DPH6: variants seen among roughly 807,000 people sequenced by gnomAD.
DPH6 encodes the protein diphthine--ammonia ligase.
In DPH6, 33 loss-of-function variants were observed where a neutral mutation model predicts 38.2. The observed-to-expected ratio is 0.86, with a 90% CI of 0.65 to 1.15. The LOEUF (loss-of-function observed/expected upper bound fraction) is 1.15. Ranked by LOEUF, DPH6 falls within the 50% of genes most tolerant of loss-of-function variation. DPH6 has a pLI of 0.00. For missense variants in DPH6, 325 were observed against 320.0 expected, an observed-to-expected ratio of 1.02 and a Z score of -0.12; for synonymous variants, 108 against 103.0, an observed-to-expected ratio of 1.05 and a Z score of -0.30.
intron 2 of DPH6, among the ~76,000 whole-genome samples, chr15:35,540,232 A>G (rs2055232955): frequency 6.6e-6 from 1 of 152,118 alleles, no homozygotes; most frequent in Admixed American, 6.5e-5. Context: ...GTGAGATCAA[A>G]TAAAACCAAA....
At position 35,283,216 on chromosome 15, in the gene DPH6, CTCTTCTT is replaced by C. The variant is rs991579675; in HGVS notation, n.201-62641_201-62635del. On this transcript the variant is annotated intron_variant and non_coding_transcript_variant, in intron 3 of 3. Coordinates refer to the DPH6 transcript ENST00000560386. Reference sequence around the variant, plus strand: ...CTCTTCTTCTTCTTTCTTCCTCTTCCTCTTCTTTCTTCTTTCTTCCTCTTCCTCCTCC... The same window carrying C: ...CTCTTCTTCTTCTTTCTTCCTCTTCCTCTTCTTTCTTCCTCTTCCTCCTCC... 1.2e-4 allele frequency among the ~76,000 whole-genome samples: 17 copies of C among 146,792 alleles called. No homozygotes were observed. In the South Asian group the frequency reaches 1.5e-3, roughly 13 times the overall value.
Position 35,469,432 on chromosome 15 carries a change from AC to A in DPH6, c.313-14613del, listed in dbSNP as rs543769369. 3.3e-4 allele frequency among the ~76,000 whole-genome samples: 50 copies of A among 152,316 alleles called. No individual in the cohort carries two copies. In the East Asian group the frequency reaches 9.4e-3, roughly 29 times the overall value. ...GCAAGTTAAAAGTTAAAAGCAAGGA[AC>A]CCTAAAGAAATCTAAGTAAGAAATG... On this transcript the variant is annotated intron_variant, in intron 3 of 8. Coordinates refer to ENST00000256538, the MANE Select transcript of DPH6 (RefSeq NM_080650.4).
chr15:35,400,818 T>C lies in DPH6; in HGVS notation c.567+10017A>G, dbSNP rs1595532165. 18 of 764,366 alleles carry C rather than the reference T, an allele frequency of 2.4e-5. No individual in the cohort carries two copies. In the East Asian group the frequency reaches 4.4e-4, roughly 19 times the overall value. The allele number at this position is 764,366 out of a possible 1,614,324, so 47.3% of individuals were successfully genotyped here. On this transcript the variant is annotated intron_variant, in intron 6 of 8. Coordinates refer to ENST00000256538, the MANE Select transcript of DPH6 (RefSeq NM_080650.4). ...AGCAATGGGGAATGCTCACGGACTG[T>C]GTGATAATGAGAGATCCAAACACCA...
At chr15:35,236,512 G>A (rs1051189855) in intron 3 of DPH6, among the ~76,000 whole-genome samples, 3 of 152,082 alleles carry the variant, frequency 2.0e-5, no homozygotes, top group African/African-American at 4.8e-5. Context: ...GTTGGCGGGC[G>A]CCTGTAGTCC....
chr15:35,344,703 G>T (rs948453764), intron 3 of DPH6, among the ~76,000 whole-genome samples: 13 of 151,890 alleles, frequency 8.6e-5, no homozygotes, highest in African/African-American at 3.1e-4. Context: ...GTAGGTAACT[G>T]GACTCCATAC....
At chr15:35,394,161 T>A (rs1238808266) in intron 6 of DPH6, among the ~76,000 whole-genome samples, 1 of 152,184 alleles carries the variant, frequency 6.6e-6, no homozygotes, top group East Asian at 1.9e-4. Context: ...GCATTCCCTA[T>A]AACAGCACCA....
At chr15:35,460,344 C>G (rs1471397743) in intron 3 of DPH6, among the ~76,000 whole-genome samples, 1 of 152,014 alleles carries the variant, frequency 6.6e-6, no homozygotes, top group African/African-American at 2.4e-5. Context: ...TAACCAAAAG[C>G]TAATCAAGTA....
the DPH6 span, among the ~76,000 whole-genome samples, chr15:35,211,856 T>G: frequency 6.6e-6 from 1 of 152,084 alleles, no homozygotes; most frequent in African/African-American, 2.4e-5. Flanking sequence ...GCATCCAAAA[T>G]AGGTAAGCAT....
chr15:35,365,691 T>C, intron 3 of DPH6: 1 of 780,768 alleles, frequency 1.3e-6, no homozygotes, highest in African/African-American at 1.9e-5. Flanking sequence ...TTGCCCAGTT[T>C]GATTCCCAAC....
chr15:35,182,220 ATTTTTTTTTTTT>A, the DPH6 span, among the ~76,000 whole-genome samples: 364 of 86,032 alleles, frequency 4.2e-3, 12 homozygotes, highest in African/African-American at 0.011. Flanking sequence ...AACTCTAAGA[ATTTTTTTTTTTT>A]TTTTTTTTTT....
At chr15:35,250,913 C>T (rs905970116) in intron 3 of DPH6, among the ~76,000 whole-genome samples, 5 of 152,076 alleles carry the variant, frequency 3.3e-5, no homozygotes, top group Non-Finnish European at 5.9e-5. Flanking sequence ...CATATACTTC[C>T]AATAAGTTAC....
chr15:35,146,506 G>A, the DPH6 span, among the ~76,000 whole-genome samples: 1 of 152,050 alleles, frequency 6.6e-6, no homozygotes, highest in African/African-American at 2.4e-5. Context: ...TGATGAGAGG[G>A]AGAAGAAAAT....
At chr15:35,260,391 C>G (rs1595450663) in intron 3 of DPH6, among the ~76,000 whole-genome samples, 1 of 151,982 alleles carries the variant, frequency 6.6e-6, no homozygotes, top group African/African-American at 2.4e-5. Flanking sequence ...CAGGCGTGAG[C>G]CACCGCGCCC....
chr15:35,170,850 T>G, the DPH6 span, among the ~76,000 whole-genome samples: 1 of 152,188 alleles, frequency 6.6e-6, no homozygotes, highest in Non-Finnish European at 1.5e-5. Flanking sequence ...GCTTATGTTA[T>G]TCTCTCTCTC....
chr15:35,287,892 A>G (rs920537347), intron 3 of DPH6, among the ~76,000 whole-genome samples: 2 of 152,222 alleles, frequency 1.3e-5, no homozygotes, highest in Non-Finnish European at 2.9e-5. Flanking sequence ...TAAATAACAT[A>G]ACCTGTAAAC....
At chr15:35,301,512 T>G (rs1262806817) in intron 3 of DPH6, among the ~76,000 whole-genome samples, 2 of 152,256 alleles carry the variant, frequency 1.3e-5, no homozygotes, top group East Asian at 1.9e-4. Flanking sequence ...CAAATAAGTT[T>G]TTGAAAAGTC....
At chr15:35,348,848 T>C (rs1182247725) in intron 3 of DPH6, among the ~76,000 whole-genome samples, 1 of 152,132 alleles carries the variant, frequency 6.6e-6, no homozygotes, top group Non-Finnish European at 1.5e-5. Flanking sequence ...ATTCTCAGTG[T>C]ATACGTTTTT....
chr15:35,264,496 T>G (rs2051770849), intron 3 of DPH6, among the ~76,000 whole-genome samples: 1 of 151,830 alleles, frequency 6.6e-6, no homozygotes, highest in South Asian at 2.1e-4. Context: ...ACCTCTCTTC[T>G]GAAAATACTG....
intron 5 of DPH6, among the ~76,000 whole-genome samples, chr15:35,446,781 A>T (rs2053859515): frequency 6.6e-6 from 1 of 152,078 alleles, no homozygotes; most frequent in Non-Finnish European, 1.5e-5. Flanking sequence ...TAAACCAAGA[A>T]ATGAGTTGTA....
Sources: allele counts gnomAD v4.1 joint callset (sites outside exome capture counted in the v4.1 genomes callset), GRCh38; gene constraint gnomAD v4.1.1; transcripts MANE v1.5; gene names NCBI Gene and HGNC (gene_info 2026-07-23, HGNC 2026-07-21).